CAMTA1: variants seen among roughly 807,000 people sequenced by gnomAD.
The protein encoded by CAMTA1 is calmodulin binding transcription activator 1, also known as calmodulin-binding transcription activator 1.
In CAMTA1, 27 loss-of-function variants were observed where a neutral mutation model predicts 170.9. The observed-to-expected ratio is 0.16, with a 90% CI of 0.12 to 0.22. CAMTA1 has a LOEUF of 0.22. Ranked by LOEUF, CAMTA1 falls within the 10% of genes least tolerant of loss-of-function variation. The pLI, the probability that CAMTA1 is intolerant of heterozygous loss-of-function variation, is 1.00. For missense variants in CAMTA1, 1,619 were observed against 2,217.2 expected (o/e 0.73, Z 5.42); for synonymous variants, 833 against 891.5 (o/e 0.93, Z 1.17).
At chr1:7,498,115 C>T (rs1262725781) in intron 6 of CAMTA1, among the ~76,000 whole-genome samples, 5 of 151,994 alleles carry the variant, frequency 3.3e-5, no homozygotes, top group Non-Finnish European at 7.4e-5. Flanking sequence ...AGGGAGGAAA[C>T]GTCCCCTGCT....
At chr1:7,604,013 C>A (rs1403049430) in intron 6 of CAMTA1, among the ~76,000 whole-genome samples, 1 of 152,200 alleles carries the variant, frequency 6.6e-6, no homozygotes. Flanking sequence ...TATTGGCCCC[C>A]ACTCTCTTCT....
At chr1:7,289,657 G>A (rs938150501) in intron 5 of CAMTA1, among the ~76,000 whole-genome samples, 1 of 152,226 alleles carries the variant, frequency 6.6e-6, no homozygotes, top group African/African-American at 2.4e-5. Context: ...GTGAGGTCAT[G>A]CTAGATTTGA....
intron 4 of CAMTA1, among the ~76,000 whole-genome samples, chr1:7,117,974 A>G (rs1333880581): frequency 6.6e-6 from 1 of 152,094 alleles, no homozygotes. Context: ...TTCGGGACCC[A>G]CTAGGCTTTT....
rs368070038 is a variant in CAMTA1 at position 7,738,220 on chromosome 1, C to G, written c.3920C>G (p.Thr1307Ser). 5.6e-6 allele frequency: 9 copies of G among 1,613,922 alleles called. No homozygotes were observed. Among genetic ancestry groups the G allele is most frequent in the African/African-American group, 1.3e-5 (1 of 74,900 alleles). ...GAACTCTCCCCTCCCACTCCAGAGA[C>G]TGCAGCATTTCAAGCCTCTGGATCT... The part of the protein sequence containing the change: ...SRELSPPTPE[T>S]AAFQASGSQP... The change falls in exon 16 of 23, where the codon ACT (threonine) becomes AGT (serine). Residue 1307 changes from threonine to serine, a missense_variant. Thr to Ser is a moderately conservative substitution (Grantham distance 58). Transcript: ENST00000303635. This position sits in a 1 kb window ranked among gnomAD's most constrained non-coding sequence, Gnocchi z 4.9.
At chr1:7,765,619 C>T (rs1332759525) in intron 22 of CAMTA1, among the ~76,000 whole-genome samples, 1 of 152,136 alleles carries the variant, frequency 6.6e-6, no homozygotes, top group South Asian at 2.1e-4. Flanking sequence ...AAATCAAAGT[C>T]TCCACAAAAC....
chr1:6,886,183 A>G (rs1348007055), intron 3 of CAMTA1: 1 of 455,198 alleles, frequency 2.2e-6, no homozygotes, highest in Non-Finnish European at 4.4e-6. Context: ...CCCAAAATGT[A>G]AACTTAATAA....
intron 7 of CAMTA1, among the ~76,000 whole-genome samples, chr1:7,643,666 C>A (rs1310579403): frequency 6.6e-6 from 1 of 152,238 alleles, no homozygotes; most frequent in Non-Finnish European, 1.5e-5. Flanking sequence ...TGCAGTGCAT[C>A]AGAAAATTAT....
chr1:7,715,707 T>C (rs1326149415), intron 11 of CAMTA1, among the ~76,000 whole-genome samples: 1 of 152,214 alleles, frequency 6.6e-6, no homozygotes, highest in African/African-American at 2.4e-5. Flanking sequence ...CCTCACTGAT[T>C]TGAAATTTGC....
At chr1:7,054,441 T>C (rs532250394) in intron 3 of CAMTA1, among the ~76,000 whole-genome samples, 1 of 152,350 alleles carries the variant, frequency 6.6e-6, no homozygotes, top group Admixed American at 6.5e-5. Flanking sequence ...TGATTCTCTA[T>C]TTTTCTCTTT....
chr1:6,848,059 C>T (rs533374710), intron 3 of CAMTA1, among the ~76,000 whole-genome samples: 3 of 152,104 alleles, frequency 2.0e-5, no homozygotes, highest in Admixed American at 6.6e-5. Flanking sequence ...AGTGACCAGG[C>T]TGGTCTCAAA....
intron 5 of CAMTA1, among the ~76,000 whole-genome samples, chr1:7,462,425 C>T (rs1005986636): frequency 2.0e-5 from 3 of 152,100 alleles, no homozygotes; most frequent in African/African-American, 4.8e-5. Context: ...GCCATCACGC[C>T]GGCTAATTTT....
At chr1:7,001,956 G>T (rs1698280722) in intron 3 of CAMTA1, among the ~76,000 whole-genome samples, 1 of 146,426 alleles carries the variant, frequency 6.8e-6, no homozygotes. Flanking sequence ...GAGTGCAATG[G>T]CGCTATCTCA....
At chr1:7,533,150 T>C (rs1422770707) in intron 6 of CAMTA1, among the ~76,000 whole-genome samples, 2 of 152,168 alleles carry the variant, frequency 1.3e-5, no homozygotes, top group Non-Finnish European at 2.9e-5. Context: ...GGAGTCTCCC[T>C]CCAGCGTCCC....
rs372881100 is a variant in CAMTA1, at chr1:7,349,349, A to G, written c.438+99723A>G. ...ACCTTATGAGCGCACAGAGCCCAGC[A>G]CTCACCTCTAGCCGCTTTCTGGGGG... On this transcript the variant is annotated intron_variant, in intron 5 of 22. Transcript: ENST00000303635. Among the ~76,000 whole-genome samples, 3 of 151,988 alleles carry G rather than the reference A, an allele frequency of 2.0e-5. No homozygotes were observed. In the East Asian group the frequency reaches 5.8e-4, roughly 29 times the overall value.
At chr1:6,883,060 A>T (rs183742212) in intron 3 of CAMTA1, among the ~76,000 whole-genome samples, 268 of 151,934 alleles carry the variant, frequency 1.8e-3, no homozygotes, top group African/African-American at 6.1e-3. Context: ...TGCCTGGCCA[A>T]TTTTTTTATT....
At chr1:7,625,150 C>T (rs754866470) in intron 6 of CAMTA1, among the ~76,000 whole-genome samples, 1 of 152,078 alleles carries the variant, frequency 6.6e-6, no homozygotes, top group African/African-American at 2.4e-5. Context: ...CAGTGGGTGA[C>T]GTCATCAGAG....
chr1:7,560,702 C>G (rs1191468698), intron 6 of CAMTA1, among the ~76,000 whole-genome samples: 1 of 152,166 alleles, frequency 6.6e-6, no homozygotes, highest in Non-Finnish European at 1.5e-5. Flanking sequence ...GTGTAAGACC[C>G]TGTGTCACTG....
intron 10 of CAMTA1, among the ~76,000 whole-genome samples, chr1:7,675,021 A>T (rs536683126): frequency 9.2e-5 from 14 of 152,234 alleles, no homozygotes; most frequent in Non-Finnish European, 1.5e-4. Flanking sequence ...ACTGTATCCC[A>T]GCAGTAGAAT....
chr1:7,559,186 G>T (rs2150242434), intron 6 of CAMTA1, among the ~76,000 whole-genome samples: 1 of 152,286 alleles, frequency 6.6e-6, no homozygotes, highest in African/African-American at 2.4e-5. Flanking sequence ...GCCAAGAGGG[G>T]CCCGAGTGGT....
Sources: allele counts gnomAD v4.1 joint callset (sites outside exome capture counted in the v4.1 genomes callset), GRCh38; gene constraint gnomAD v4.1.1; non-coding constraint Gnocchi (gnomAD v3.1); transcripts MANE v1.5; gene names NCBI Gene and HGNC (gene_info 2026-07-23, HGNC 2026-07-21).